DLGAP1: variants seen among roughly 807,000 people sequenced by gnomAD.
The protein encoded by DLGAP1 is disks large-associated protein 1.
Under a neutral mutation model 90.8 loss-of-function variants are expected in DLGAP1, and 11 were observed. The ratio of observed to expected loss-of-function variants is 0.12; its 90% CI spans 0.08 to 0.20. The LOEUF (loss-of-function observed/expected upper bound fraction) is 0.20. DLGAP1 is among the 10% of genes least tolerant of loss of function. DLGAP1 has a pLI of 1.00. For synonymous variants in DLGAP1, 558 were observed against 540.7 expected (o/e 1.03, Z -0.44); for missense variants, 1,050 against 1,333.8 (o/e 0.79, Z 3.31).
chr18:3,707,264 G>T (rs1226140023), intron 7 of DLGAP1, among the ~76,000 whole-genome samples: 1 of 151,978 alleles, frequency 6.6e-6, no homozygotes, highest in African/African-American at 2.4e-5. Context: ...TCTATCTTTG[G>T]AAGAGAACTA....
chr18:4,218,272 A>T (rs938342732), intron 1 of DLGAP1, among the ~76,000 whole-genome samples: 1 of 152,030 alleles, frequency 6.6e-6, no homozygotes, highest in Middle Eastern at 3.4e-3. Context: ...CTGTCTTTTC[A>T]CCAATACTAT....
At chr18:3,853,156 T>C (rs2069440503) in intron 4 of DLGAP1, among the ~76,000 whole-genome samples, 1 of 152,152 alleles carries the variant, frequency 6.6e-6, no homozygotes, top group Admixed American at 6.5e-5. Context: ...AATTTTAATA[T>C]GTCAGTTTCT....
intron 7 of DLGAP1, among the ~76,000 whole-genome samples, chr18:3,671,759 A>T (rs898765452): frequency 1.3e-5 from 2 of 152,252 alleles, no homozygotes; most frequent in African/African-American, 2.4e-5. Context: ...TTGATGAAGT[A>T]ATTCCATTTT....
At chr18:4,360,029 T>C (rs901829758) in intron 1 of DLGAP1, among the ~76,000 whole-genome samples, 1 of 152,176 alleles carries the variant, frequency 6.6e-6, no homozygotes, top group Non-Finnish European at 1.5e-5. Flanking sequence ...TATCCAAGTG[T>C]GGTTCTCAGG....
At chr18:3,880,617 T>C (rs531735034) in intron 3 of DLGAP1, among the ~76,000 whole-genome samples, 2 of 151,920 alleles carry the variant, frequency 1.3e-5, no homozygotes, top group East Asian at 1.9e-4. Context: ...CCAAAGCCTG[T>C]AGGGAGAGAA....
At chr18:3,888,714 T>C (rs1489175553) in intron 3 of DLGAP1, among the ~76,000 whole-genome samples, 4 of 152,196 alleles carry the variant, frequency 2.6e-5, no homozygotes, top group African/African-American at 9.6e-5. Context: ...CTTTGAAAAA[T>C]GATTAATAGG....
intron 1 of DLGAP1, among the ~76,000 whole-genome samples, chr18:4,205,964 C>T (rs1376611312): frequency 6.6e-6 from 1 of 152,078 alleles, no homozygotes; most frequent in African/African-American, 2.4e-5. Context: ...TAGCGATTCA[C>T]CTGAAACTTT....
intron 7 of DLGAP1, among the ~76,000 whole-genome samples, chr18:3,684,852 A>G (rs1249467893): frequency 6.6e-6 from 1 of 152,224 alleles, no homozygotes; most frequent in Non-Finnish European, 1.5e-5. Context: ...AAAATCGTGT[A>G]AGGAGGGAAG....
intron 3 of DLGAP1, among the ~76,000 whole-genome samples, chr18:4,003,323 G>A (rs377252915): frequency 6.6e-6 from 1 of 152,086 alleles, no homozygotes; most frequent in African/African-American, 2.4e-5. Flanking sequence ...CACAGGACTG[G>A]GAAGTGACTG....
At position 3,789,186 on chromosome 18, in the gene DLGAP1, G is replaced by A. The variant is rs910814753; in HGVS notation, c.1172+24873C>T. On this transcript the variant is annotated intron_variant, in intron 5 of 12. Coordinates refer to ENST00000315677, the MANE Select transcript of DLGAP1 (RefSeq NM_004746.4). ...GTTCTGACACAGTGCAATATGTCTC[G>A]TAATGAGGGCCTTTCGGATAATTTA... Among the ~76,000 whole-genome samples, 8 of 152,164 alleles carry A rather than the reference G, an allele frequency of 5.3e-5. No individual in the cohort carries two copies. The South Asian group carries it at 1.4e-3, about 28-fold the overall frequency.
intron 1 of DLGAP1, among the ~76,000 whole-genome samples, chr18:4,366,318 G>A (rs2081765826): frequency 6.6e-6 from 1 of 151,930 alleles, no homozygotes. Flanking sequence ...GGGAAGTTGG[G>A]GAATTGAATT....
chr18:4,139,079 A>ATATAT (rs2076452836), intron 2 of DLGAP1, among the ~76,000 whole-genome samples: 1 of 151,930 alleles, frequency 6.6e-6, no homozygotes, highest in South Asian at 2.1e-4. Flanking sequence ...TTTTTATAAA[A>ATATAT]GCAACTTTCC....
At chr18:4,277,147 T>A (rs2079435315) in intron 1 of DLGAP1, among the ~76,000 whole-genome samples, 1 of 152,202 alleles carries the variant, frequency 6.6e-6, no homozygotes, top group Non-Finnish European at 1.5e-5. Flanking sequence ...TTCCTGTGTA[T>A]ACACGTGATA....
chr18:4,200,241 G>A (rs561305610), intron 1 of DLGAP1, among the ~76,000 whole-genome samples: 12 of 151,970 alleles, frequency 7.9e-5, no homozygotes, highest in Non-Finnish European at 1.8e-4. Context: ...AAATTATACA[G>A]AATTAAAATA....
chr18:4,378,612 T>C lies in DLGAP1; in HGVS notation c.-267+76394A>G, dbSNP rs770916098. Among the ~76,000 whole-genome samples the C allele has an allele frequency of 6.6e-6, 1 of 152,032 alleles. No homozygotes were observed. The highest frequency in any genetic ancestry group is 1.5e-5 in the Non-Finnish European group (1 of 67,980). On this transcript the variant is annotated intron_variant, in intron 1 of 12. Transcript: ENST00000315677. The surrounding 1 kb of genome is among the most constrained non-coding windows in gnomAD (Gnocchi z 4.5). ...TCTTAGAGTGCTTAAGAATCCATGG[T>C]GGGGAGGCACACTACACAATTTGAA...
intron 1 of DLGAP1, among the ~76,000 whole-genome samples, chr18:4,193,926 TGAA>T (rs1359279203): frequency 2.6e-5 from 4 of 152,302 alleles, no homozygotes; most frequent in African/African-American, 9.6e-5. Flanking sequence ...ATAACAGAGA[TGAA>T]GAAATTAATT....
At chr18:3,901,957 AT>A (rs1430180227) in intron 3 of DLGAP1, among the ~76,000 whole-genome samples, 1 of 152,136 alleles carries the variant, frequency 6.6e-6, no homozygotes, top group East Asian at 1.9e-4. Flanking sequence ...TGCAACATTC[AT>A]TTGTGGGCTT....
chr18:4,007,191 C>T (rs79173058), intron 2 of DLGAP1, among the ~76,000 whole-genome samples: 7,686 of 152,014 alleles, frequency 0.051, 500 homozygotes, highest in African/African-American at 0.15. Flanking sequence ...GCTTTGGAGC[C>T]CAGGGCAGAG....
chr18:3,537,323 T>A (rs2052436496), intron 9 of DLGAP1, among the ~76,000 whole-genome samples: 1 of 152,226 alleles, frequency 6.6e-6, no homozygotes, highest in African/African-American at 2.4e-5. Context: ...GTCTGACTAC[T>A]CTAGGTACCT....
Sources: gnomAD v4.1 joint callset for allele counts (sites outside exome capture counted in the v4.1 genomes callset) on GRCh38, gnomAD v4.1.1 for gene constraint, Gnocchi (gnomAD v3.1) non-coding constraint, MANE v1.5 for transcripts, NCBI Gene and HGNC (gene_info 2026-07-23, HGNC 2026-07-21) for gene names.